Variants in NFASC observed in about 807,000 individuals in gnomAD.
NFASC encodes the protein neurofascin.
Under a neutral mutation model 147.5 loss-of-function variants are expected in NFASC, and 43 were observed. The ratio of observed to expected loss-of-function variants is 0.29; its 90% CI spans 0.23 to 0.38. The LOEUF (loss-of-function observed/expected upper bound fraction) is 0.38. Ranked by LOEUF, NFASC falls within the 10% of genes least tolerant of loss-of-function variation. The pLI is 1.00. For missense variants in NFASC, 1,320 were observed against 1,689.0 expected (o/e 0.78, Z 3.83); for synonymous variants, 622 against 665.5 (o/e 0.93, Z 1.01).
chr1:204,866,562 T>G (rs377196401), intron 1 of NFASC, among the ~76,000 whole-genome samples: 67 of 152,182 alleles, frequency 4.4e-4, no homozygotes, highest in African/African-American at 1.5e-3. Flanking sequence ...GGCTGGAAAC[T>G]CTCAGGCCTG....
intron 23 of NFASC, chr1:204,990,190 C>T (rs1329058904): frequency 6.6e-6 from 1 of 152,270 alleles, no homozygotes; most frequent in Non-Finnish European, 1.5e-5. Context: ...GAGTGAGTCA[C>T]ACAACCAGCT....
intron 7 of NFASC, among the ~76,000 whole-genome samples, chr1:204,957,240 A>G (rs2094471763): frequency 6.6e-6 from 1 of 152,262 alleles, no homozygotes; most frequent in African/African-American, 2.4e-5. Flanking sequence ...TAAGATGAAC[A>G]GATCATGGTC....
At chr1:204,839,444 G>T (rs557251067) in intron 1 of NFASC, among the ~76,000 whole-genome samples, 27 of 151,864 alleles carry the variant, frequency 1.8e-4, no homozygotes, top group African/African-American at 6.3e-4. Context: ...AGACAAAGGC[G>T]GTAGCGGGGA....
intron 26 of NFASC, 31 bp downstream of exon 26, chr1:205,001,317 G>GGCAGCGGCGTCGGCA (rs778125319): frequency 5.5e-6 from 8 of 1,450,020 alleles, no homozygotes; most frequent in Non-Finnish European, 6.7e-6. Flanking sequence ...TGGTGGTGGC[G>GGCAGCGGCGTCGGCA]GCAGCGGCGT....
intron 27 of NFASC, among the ~76,000 whole-genome samples, chr1:205,007,129 GA>G (rs1290200707): frequency 6.6e-5 from 10 of 151,788 alleles, no homozygotes; most frequent in African/African-American, 2.4e-4. Context: ...AGCTGGAGCT[GA>G]AAAGTGTGGC....
intron 2 of NFASC, among the ~76,000 whole-genome samples, chr1:204,938,071 G>A (rs771741391): frequency 6.6e-6 from 1 of 152,200 alleles, no homozygotes; most frequent in Non-Finnish European, 1.5e-5. Context: ...TGACCACCAG[G>A]ACAGCCTGCC....
chr1:204,968,910 T>C lies in NFASC; in HGVS notation c.931T>C (p.Ser311Pro). 1 of 1,613,986 alleles carries C rather than the reference T, an allele frequency of 6.2e-7. No individual in the cohort carries two copies. Among genetic ancestry groups the C allele is most frequent in the Non-Finnish European group, 8.5e-7 (1 of 1,180,000 alleles). ...LRITNVSEED[S>P]GEYFCLASNK... ...TATCACAAATGTCTCTGAGGAAGACTCCGGGGAGTATTTCTGCCTGGCCTC... is the reference window on the plus strand; with the variant it reads ...TATCACAAATGTCTCTGAGGAAGACCCCGGGGAGTATTTCTGCCTGGCCTC... The change falls in exon 10 of 30, where the codon TCC (serine) becomes CCC (proline). Residue 311 changes from serine to proline, a missense_variant. Ser to Pro is a moderately conservative substitution (Grantham distance 74). Coordinates refer to ENST00000339876, the MANE Select transcript of NFASC (RefSeq NM_001005388.3). This position sits in a 1 kb window ranked among gnomAD's most constrained non-coding sequence, Gnocchi z 5.4.
At chr1:204,876,991 AAT>A (rs1336098261) in intron 1 of NFASC, among the ~76,000 whole-genome samples, 1 of 60,082 alleles carries the variant, frequency 1.7e-5, no homozygotes, top group Non-Finnish European at 2.6e-5. Context: ...GAGTTGGCTA[AAT>A]ATGTATATAT....
At chr1:204,985,748 G>A (rs899470869) in intron 21 of NFASC, among the ~76,000 whole-genome samples, 6 of 152,210 alleles carry the variant, frequency 3.9e-5, no homozygotes, top group Admixed American at 1.3e-4. Context: ...GCTAATGAGC[G>A]GGGATTAAAA....
chr1:204,859,859 C>G (rs1334436520), intron 1 of NFASC, among the ~76,000 whole-genome samples: 2 of 152,162 alleles, frequency 1.3e-5, no homozygotes. Flanking sequence ...ATTAGGAAAA[C>G]ATACCCCTAA....
Position 204,853,599 on chromosome 1 carries a change from C to G in NFASC, c.-200+24817C>G, listed in dbSNP as rs959344584. Among the ~76,000 whole-genome samples, 4 of 152,160 alleles carry G rather than the reference C, an allele frequency of 2.6e-5. 1 individual carries two copies. Among genetic ancestry groups the G allele is most frequent in the Admixed American group, 2.6e-4 (4 of 15,286 alleles). On this transcript the variant is annotated intron_variant, in intron 1 of 29. Transcript: ENST00000339876. Reference sequence around the variant, plus strand: ...TGTGTTCTATTCCTATCTGGGGAGACCTTTGTTGGGTATATGTGCATGTGT... The same window carrying G: ...TGTGTTCTATTCCTATCTGGGGAGAGCTTTGTTGGGTATATGTGCATGTGT...
chr1:204,855,412 A>C (rs2076066457), intron 1 of NFASC, among the ~76,000 whole-genome samples: 1 of 152,130 alleles, frequency 6.6e-6, no homozygotes, highest in Admixed American at 6.5e-5. Context: ...GCTAGACCTT[A>C]AAAGATCAAT....
intron 2 of NFASC, among the ~76,000 whole-genome samples, chr1:204,928,567 A>T (rs2091986088): frequency 6.6e-6 from 1 of 152,226 alleles, no homozygotes; most frequent in Non-Finnish European, 1.5e-5. Context: ...TTTTCTCCAT[A>T]TACAAGGATA....
chr1:204,843,600 CTTCCTTCCTTCCTTCCTTCCTTCCT>C (rs1676008978), intron 1 of NFASC, among the ~76,000 whole-genome samples: 1 of 79,274 alleles, frequency 1.3e-5, no homozygotes, highest in African/African-American at 5.2e-5. Flanking sequence ...TCCTTCCTTC[CTTCCTTCCTTCCTTCCTTCCTTCCT>C]TCCTCCCTCC....
intron 11 of NFASC, among the ~76,000 whole-genome samples, chr1:204,972,020 G>A (rs1223646641): frequency 6.6e-6 from 1 of 152,216 alleles, no homozygotes; most frequent in Non-Finnish European, 1.5e-5. Context: ...ACGAGAATTT[G>A]CCAGGCAAGG....
At chr1:204,964,435 A>G (rs2094841375) in intron 8 of NFASC, among the ~76,000 whole-genome samples, 2 of 152,252 alleles carry the variant, frequency 1.3e-5, no homozygotes, top group South Asian at 4.1e-4. Flanking sequence ...AGGTGCAATT[A>G]TAGGAAGAAA....
chr1:204,955,541 C>T (rs1198464104), intron 7 of NFASC, among the ~76,000 whole-genome samples: 2 of 152,172 alleles, frequency 1.3e-5, no homozygotes, highest in African/African-American at 4.8e-5. Context: ...AGGGTATCTG[C>T]AGCAGGGACA....
chr1:204,963,767 C>T (rs1208331760), intron 8 of NFASC, among the ~76,000 whole-genome samples: 1 of 152,204 alleles, frequency 6.6e-6, no homozygotes, highest in Non-Finnish European at 1.5e-5. Context: ...GACAACTAGG[C>T]TGATGCTTCT....
intron 1 of NFASC, among the ~76,000 whole-genome samples, chr1:204,882,285 C>G (rs952064964): frequency 6.6e-6 from 1 of 152,132 alleles, no homozygotes; most frequent in Non-Finnish European, 1.5e-5. Context: ...CCATGGTATA[C>G]AAGGCACTGC....
Sources: allele counts gnomAD v4.1 joint callset (sites outside exome capture counted in the v4.1 genomes callset), GRCh38; gene constraint gnomAD v4.1.1; non-coding constraint Gnocchi (gnomAD v3.1); transcripts MANE v1.5; gene names NCBI Gene and HGNC (gene_info 2026-07-23, HGNC 2026-07-21).